Variants in ZNF827 observed in about 807,000 individuals in gnomAD.
ZNF827 encodes the protein zinc finger protein 827.
In ZNF827, 13 loss-of-function variants were observed where a neutral mutation model predicts 102.4. The observed-to-expected ratio is 0.13, with a 90% CI of 0.08 to 0.20. The LOEUF (loss-of-function observed/expected upper bound fraction) is 0.20. Ranked by LOEUF, ZNF827 falls within the 10% of genes least tolerant of loss-of-function variation. The probability of loss-of-function intolerance (pLI) is 1.00; values close to 1 mark genes in which losing one functional copy is unlikely to be tolerated. For synonymous variants in ZNF827, 523 were observed against 536.2 expected, an observed-to-expected ratio of 0.98 and a Z score of 0.34; for missense variants, 1,103 against 1,344.4, an observed-to-expected ratio of 0.82 and a Z score of 2.81.
At chr4:145,827,283 CA>C in intron 7 of ZNF827, among the ~76,000 whole-genome samples, 1 of 152,038 alleles carries the variant, frequency 6.6e-6, no homozygotes, top group Non-Finnish European at 1.5e-5. Context: ...ATCCTTGCAA[CA>C]AATGGAGAAA....
intron 7 of ZNF827, chr4:145,831,507 T>C (rs1402734765): frequency 6.6e-6 from 1 of 152,250 alleles, no homozygotes; most frequent in Non-Finnish European, 1.5e-5. Context: ...TCAATCACTC[T>C]ACTAGCATAT....
chr4:145,938,146 A>G (rs2127020924), intron 1 of ZNF827, among the ~76,000 whole-genome samples: 1 of 151,900 alleles, frequency 6.6e-6, no homozygotes, highest in East Asian at 2.0e-4. Flanking sequence ...AGAAAGAAAG[A>G]AAAAGAGAGA....
chr4:145,850,805 T>TA (rs1204576375), intron 5 of ZNF827, among the ~76,000 whole-genome samples: 2 of 152,102 alleles, frequency 1.3e-5, no homozygotes, highest in Non-Finnish European at 2.9e-5. Flanking sequence ...GACAGACAGA[T>TA]AGAGTAGTGG....
In ZNF827 at chr4:145,885,769, G is replaced by T. The variant is rs1484703315; in HGVS notation, c.1656C>A (p.Asp552Glu). Residue 552 changes from aspartate to glutamate, a missense_variant, in exon 4 of 15, where the codon GAC (aspartate) becomes GAA (glutamate). Asp to Glu is a conservative substitution (Grantham distance 45). Around this residue, in one of 5 missense-constraint regions of ZNF827, gnomAD observed 157 missense variants for 211.7 expected, o/e 0.74. Coordinates refer to ENST00000508784, the MANE Select transcript of ZNF827 (RefSeq NM_001306215.2). ...DRPANHTKLK[D>E]PSEYVANSAS... The stretch of plus-strand genomic sequence containing the variant: ...CACTGTTGGCCACATACTCGGAGGG[G>T]TCTTTCAGCTTTGTGTGGTTGGCGG... 6.2e-7 allele frequency: 1 copy of T among 1,609,352 alleles called. No homozygotes were observed. Among genetic ancestry groups the T allele is most frequent in the Admixed American group, 1.7e-5 (1 of 59,820 alleles).
chr4:145,808,163 A>T (rs1741670414), intron 8 of ZNF827, among the ~76,000 whole-genome samples: 1 of 151,938 alleles, frequency 6.6e-6, no homozygotes, highest in Non-Finnish European at 1.5e-5. Context: ...AGGATGAGTC[A>T]CCTTACCTTT....
intron 3 of ZNF827, among the ~76,000 whole-genome samples, chr4:145,888,961 G>GT (rs1561045285): frequency 6.6e-6 from 1 of 152,202 alleles, no homozygotes; most frequent in Non-Finnish European, 1.5e-5. Context: ...ATAGGATAGA[G>GT]TAAGTACTAT....
At position 145,765,474 on chromosome 4, in the gene ZNF827, C is replaced by T. The variant is rs780092220; in HGVS notation, c.3052+73G>A. On this transcript the variant is annotated intron_variant, in intron 12 of 14. Transcript: ENST00000508784. The surrounding 1 kb of genome is among the most constrained non-coding windows in gnomAD (Gnocchi z 4.7). ...ATCAGTTTTTGACATCGCTCCTGTG[C>T]AGGGCTTATTCTCAAGAATGGGTCA... 1 of 1,515,662 alleles carries T rather than the reference C, an allele frequency of 6.6e-7. No individual in the cohort carries two copies. Among genetic ancestry groups the T allele is most frequent in the Non-Finnish European group, 8.9e-7 (1 of 1,126,478 alleles). 93.9% of individuals were successfully genotyped at this position (1,515,662 alleles called of 1,614,324 possible). A position where few individuals can be genotyped will look rare whatever the true frequency, so the allele number is the denominator to read the frequency against.
At chr4:145,790,068 T>C (rs1340903381) in intron 8 of ZNF827, among the ~76,000 whole-genome samples, 1 of 152,244 alleles carries the variant, frequency 6.6e-6, no homozygotes, top group Non-Finnish European at 1.5e-5. Flanking sequence ...GAGACCCTTA[T>C]AGTCTGTTCT....
chr4:145,801,148 C>T (rs1740862160), intron 8 of ZNF827, among the ~76,000 whole-genome samples: 1 of 151,888 alleles, frequency 6.6e-6, no homozygotes, highest in Admixed American at 6.6e-5. Context: ...GAAATAATTG[C>T]CTATGTGAAG....
At chr4:145,886,195 G>A (rs1750102129) in intron 3 of ZNF827, 37 bp from the exon 4 acceptor site, 2 of 1,544,050 alleles carry the variant, frequency 1.3e-6, no homozygotes, top group East Asian at 4.5e-5. Flanking sequence ...TAGCCACCGT[G>A]CATTTATGGA....
intron 8 of ZNF827, among the ~76,000 whole-genome samples, chr4:145,811,390 G>C (rs980615285): frequency 7.2e-5 from 11 of 152,306 alleles, no homozygotes; most frequent in African/African-American, 2.4e-4. Context: ...GAAGGAGATT[G>C]GGAGATGGAA....
intron 8 of ZNF827, among the ~76,000 whole-genome samples, chr4:145,781,195 C>CAAAAAAAAAAAAAA (rs10605153): frequency 6.2e-4 from 35 of 56,538 alleles, no homozygotes; most frequent in Admixed American, 7.4e-4. Flanking sequence ...GACACCATCT[C>CAAAAAAAAAAAAAA]AAAAAAAAAA....
chr4:145,921,588 T>C (rs1211372310), intron 1 of ZNF827, among the ~76,000 whole-genome samples: 1 of 149,996 alleles, frequency 6.7e-6, no homozygotes, highest in African/African-American at 2.5e-5. Flanking sequence ...ATTCTAGAGA[T>C]ATTTGGGAAG....
chr4:145,788,953 A>G (rs1205005127), intron 8 of ZNF827, among the ~76,000 whole-genome samples: 2 of 152,228 alleles, frequency 1.3e-5, no homozygotes, highest in Non-Finnish European at 2.9e-5. Flanking sequence ...CCAGGTGGCA[A>G]TGTGCCCAGT....
chr4:145,932,137 G>A (rs549049823), intron 1 of ZNF827, among the ~76,000 whole-genome samples: 4 of 152,302 alleles, frequency 2.6e-5, no homozygotes, highest in Admixed American at 2.6e-4. Flanking sequence ...GAATCTGCTG[G>A]CACCTTGATC....
At chr4:145,782,278 C>T (rs192688825) in intron 8 of ZNF827, among the ~76,000 whole-genome samples, 39 of 152,282 alleles carry the variant, frequency 2.6e-4, no homozygotes, top group African/African-American at 8.9e-4. Context: ...TGGGGCCTGG[C>T]GGAAGAGGCA....
At chr4:145,862,364 G>A (rs909073810) in intron 5 of ZNF827, among the ~76,000 whole-genome samples, 3 of 152,138 alleles carry the variant, frequency 2.0e-5, no homozygotes, top group Non-Finnish European at 4.4e-5. Flanking sequence ...ATTTCTCTGG[G>A]TATAGTAATA....
rs778771143 is a variant in ZNF827, at chr4:145,779,522, A to G, written c.2384-11T>C. 5.0e-6 allele frequency: 8 copies of G among 1,611,644 alleles called. No homozygotes were observed. The highest frequency in any genetic ancestry group is 5.9e-6 in the Non-Finnish European group (7 of 1,179,206). ...CTATCTTTTCTGTTTCTGGGTCAAA[A>G]GAACAAAGCATCATGAGAAATAAGG... On this transcript the variant is annotated splice_polypyrimidine_tract_variant and intron_variant, in intron 8 of 14. Transcript: ENST00000508784.
intron 7 of ZNF827, 152 bp from the exon 8 acceptor site, chr4:145,823,677 T>C (rs1272394088): frequency 6.5e-6 from 4 of 612,110 alleles, no homozygotes; most frequent in East Asian, 5.5e-5. Flanking sequence ...GTGCTTAAAA[T>C]GGAGAAAAAG....
Sources: allele counts gnomAD v4.1 joint callset (sites outside exome capture counted in the v4.1 genomes callset), GRCh38; gene constraint gnomAD v4.1.1; regional missense constraint gnomAD v4.1.1; non-coding constraint Gnocchi (gnomAD v3.1); transcripts MANE v1.5; gene names NCBI Gene and HGNC (gene_info 2026-07-23, HGNC 2026-07-21).